The following CADM2 variants were observed in gnomAD, a reference collection of about 807,000 sequenced individuals.
CADM2 encodes the protein cell adhesion molecule 2.
A neutral mutation model predicts 49.8 loss-of-function variants in CADM2; 12 were observed. The ratio of observed to expected loss-of-function variants is 0.24; its 90% CI spans 0.15 to 0.39. The LOEUF is 0.39. Among genes scored for constraint, CADM2 ranks in the 10% least tolerant of loss-of-function variants. The pLI is 1.00. For missense variants in CADM2, 378 were observed against 492.3 expected, an observed-to-expected ratio of 0.77 and a Z score of 2.20; for synonymous variants, 214 against 175.4, an observed-to-expected ratio of 1.22 and a Z score of -1.74.
intron 1 of CADM2, among the ~76,000 whole-genome samples, chr3:85,724,679 CT>C (rs1176435132): frequency 7.3e-5 from 11 of 150,872 alleles, no homozygotes; most frequent in East Asian, 3.9e-4. Context: ...AAAATGCACA[CT>C]TTTTTTTTAG....
chr3:86,010,035 C>T (rs1056943717), intron 8 of CADM2, among the ~76,000 whole-genome samples: 1 of 151,838 alleles, frequency 6.6e-6, no homozygotes, highest in Non-Finnish European at 1.5e-5. Context: ...GAAAGTCCGA[C>T]ATTAACTCTG....
At chr3:85,928,128 A>G (rs1022654409) in intron 6 of CADM2, among the ~76,000 whole-genome samples, 4 of 151,616 alleles carry the variant, frequency 2.6e-5, no homozygotes, top group African/African-American at 9.7e-5. Context: ...CCAAGTTCAT[A>G]AAACCTTTAA....
chr3:86,005,600 G>A (rs1730689056), intron 8 of CADM2, among the ~76,000 whole-genome samples: 1 of 151,586 alleles, frequency 6.6e-6, no homozygotes, highest in Non-Finnish European at 1.5e-5. Flanking sequence ...ATATATTTAT[G>A]TGGTGTATGA....
chr3:85,073,875 A>T (rs994648142), intron 1 of CADM2, among the ~76,000 whole-genome samples: 5 of 152,296 alleles, frequency 3.3e-5, no homozygotes, highest in East Asian at 3.9e-4. Context: ...GTTGAGAAAG[A>T]TTCACATACC....
At chr3:85,299,789 T>A (rs975737898) in intron 1 of CADM2, among the ~76,000 whole-genome samples, 1 of 152,080 alleles carries the variant, frequency 6.6e-6, no homozygotes, top group African/African-American at 2.4e-5. Context: ...AGAGCTATAA[T>A]GCAGGGAACT....
At chr3:85,162,736 T>C (rs1436335894) in intron 1 of CADM2, among the ~76,000 whole-genome samples, 5 of 152,050 alleles carry the variant, frequency 3.3e-5, no homozygotes, top group African/African-American at 1.2e-4. Flanking sequence ...GAATTTAATC[T>C]TGGAATTTTA....
chr3:85,092,025 A>G (rs1239983059), intron 1 of CADM2, among the ~76,000 whole-genome samples: 1 of 152,196 alleles, frequency 6.6e-6, no homozygotes, highest in East Asian at 1.9e-4. Context: ...CAACATTTAA[A>G]GTAAATTGTT....
intron 1 of CADM2, among the ~76,000 whole-genome samples, chr3:85,291,485 G>T (rs998015957): frequency 1.4e-5 from 2 of 148,142 alleles, no homozygotes; most frequent in African/African-American, 5.3e-5. Flanking sequence ...ACACATAATT[G>T]TCAGATTCAC....
intron 8 of CADM2, among the ~76,000 whole-genome samples, chr3:85,970,986 T>C (rs1341433394): frequency 6.6e-6 from 1 of 151,610 alleles, no homozygotes; most frequent in Non-Finnish European, 1.5e-5. Context: ...GCAAGAAATC[T>C]TAAAACAGTT....
intron 1 of CADM2, among the ~76,000 whole-genome samples, chr3:85,255,027 GA>G (rs1475355771): frequency 3.3e-5 from 5 of 151,982 alleles, no homozygotes; most frequent in Non-Finnish European, 4.4e-5. Context: ...AACATAGGAT[GA>G]AAATATATTA....
chr3:85,302,944 T>C (rs1044206328), intron 1 of CADM2, among the ~76,000 whole-genome samples: 6 of 151,990 alleles, frequency 3.9e-5, no homozygotes, highest in African/African-American at 1.4e-4. Flanking sequence ...TTAATACTAA[T>C]ATTGAGTAGT....
chr3:85,437,850 T>C (rs2037004376), intron 1 of CADM2, among the ~76,000 whole-genome samples: 1 of 152,000 alleles, frequency 6.6e-6, no homozygotes, highest in Non-Finnish European at 1.5e-5. Context: ...TTAAACTATG[T>C]TGTTATAAGT....
intron 1 of CADM2, among the ~76,000 whole-genome samples, chr3:84,982,737 A>ATATATATATATATT (rs1553663805): frequency 1.7e-5 from 2 of 115,378 alleles, no homozygotes; most frequent in African/African-American, 3.5e-5. Flanking sequence ...ATATATATAC[A>ATATATATATATATT]TTTTTTGTTT....
At chr3:85,156,406 C>T (rs922704410) in intron 1 of CADM2, among the ~76,000 whole-genome samples, 1 of 151,760 alleles carries the variant, frequency 6.6e-6, no homozygotes, top group African/African-American at 2.4e-5. Flanking sequence ...CACATACACT[C>T]TCCCAAGACT....
chr3:85,192,901 C>A (rs1359492930), intron 1 of CADM2, among the ~76,000 whole-genome samples: 1 of 151,948 alleles, frequency 6.6e-6, no homozygotes. Flanking sequence ...ATTACAGATT[C>A]TTTTAAGATT....
Position 85,062,078 on chromosome 3 carries a change from A to G in CADM2, c.61+102410A>G, listed in dbSNP as rs2036348367. On this transcript the variant is annotated intron_variant, in intron 1 of 9. Transcript: ENST00000383699. ...CTCTCTCTGTCTCTCTCTCACTCAT[A>G]CACACACACGCACACACACACACAC... Among the ~76,000 whole-genome samples, 5 of 150,002 alleles carry G rather than the reference A, an allele frequency of 3.3e-5. No homozygotes were observed. In the South Asian group the frequency reaches 1.1e-3, roughly 32 times the overall value.
intron 2 of CADM2, among the ~76,000 whole-genome samples, chr3:85,778,305 A>G (rs1037735432): frequency 2.0e-5 from 3 of 152,202 alleles, no homozygotes; most frequent in Admixed American, 2.0e-4. Flanking sequence ...ACACAATTTT[A>G]AATAAAAATG....
chr3:84,970,458 C>T (rs911403929), intron 1 of CADM2, among the ~76,000 whole-genome samples: 2 of 75,376 alleles, frequency 2.7e-5, no homozygotes, highest in African/African-American at 5.5e-5. Flanking sequence ...CAGTGAAATG[C>T]GACTTTTCTT....
At chr3:85,354,311 C>T (rs1416035580) in intron 1 of CADM2, among the ~76,000 whole-genome samples, 1 of 125,410 alleles carries the variant, frequency 8.0e-6, no homozygotes, top group Non-Finnish European at 1.6e-5. Context: ...AATGAGAACA[C>T]ATGGACACAG....
Sources: gnomAD v4.1 joint callset for allele counts (sites outside exome capture counted in the v4.1 genomes callset) on GRCh38, gnomAD v4.1.1 for gene constraint, MANE v1.5 for transcripts, NCBI Gene and HGNC (gene_info 2026-07-23, HGNC 2026-07-21) for gene names.